Variants in ZNF385D observed in about 807,000 individuals in gnomAD.
ZNF385D encodes the protein zinc finger protein 659.
Under a neutral mutation model 35.8 loss-of-function variants are expected in ZNF385D, and 15 were observed. That is an observed-to-expected ratio of 0.42 (90% CI 0.28 to 0.64). The LOEUF (loss-of-function observed/expected upper bound fraction) is 0.64. Among genes scored for constraint, ZNF385D ranks in the 30% least tolerant of loss-of-function variants. ZNF385D has a pLI of 0.23. For missense variants in ZNF385D, 474 were observed against 494.6 expected (o/e 0.96, Z 0.39); for synonymous variants, 212 against 186.8 (o/e 1.13, Z -1.10).
At chr3:22,286,889 C>G (rs538077182) in intron 2 of ZNF385D, among the ~76,000 whole-genome samples, 2 of 152,044 alleles carry the variant, frequency 1.3e-5, no homozygotes, top group Admixed American at 6.6e-5. Flanking sequence ...TTGGTTAGAT[C>G]CATCTGCTGT....
chr3:21,559,576 C>G (rs950343245), intron 3 of ZNF385D, among the ~76,000 whole-genome samples: 2 of 152,230 alleles, frequency 1.3e-5, no homozygotes, highest in African/African-American at 4.8e-5. Context: ...AACCTTCCTC[C>G]CTGTCTGCCC....
chr3:21,499,593 G>A (rs1379345435), intron 4 of ZNF385D, among the ~76,000 whole-genome samples: 4 of 150,988 alleles, frequency 2.6e-5, no homozygotes, highest in African/African-American at 4.9e-5. Flanking sequence ...CAATTTACCT[G>A]TATAACAAAC....
chr3:21,842,878 T>C (rs866902816), intron 3 of ZNF385D, among the ~76,000 whole-genome samples: 2 of 152,086 alleles, frequency 1.3e-5, no homozygotes, highest in South Asian at 4.1e-4. Flanking sequence ...GTCTCTTCCA[T>C]TTATGTCAAA....
At chr3:21,977,151 G>C (rs1453326730) in intron 3 of ZNF385D, among the ~76,000 whole-genome samples, 1 of 152,154 alleles carries the variant, frequency 6.6e-6, no homozygotes, top group African/African-American at 2.4e-5. Context: ...ACTCTAATTA[G>C]AGGAAGATTG....
chr3:21,700,360 C>T (rs1261977183), intron 1 of ZNF385D, among the ~76,000 whole-genome samples: 2 of 152,172 alleles, frequency 1.3e-5, no homozygotes, highest in African/African-American at 4.8e-5. Context: ...TGCTAAGCAA[C>T]TTAAAAGGCA....
intron 3 of ZNF385D, among the ~76,000 whole-genome samples, chr3:22,109,032 G>T (rs1430649319): frequency 6.6e-6 from 1 of 151,864 alleles, no homozygotes; most frequent in Non-Finnish European, 1.5e-5. Context: ...ACAAAACCAT[G>T]TAGCAATAAT....
At chr3:21,624,757 A>G (rs999791617) in intron 2 of ZNF385D, among the ~76,000 whole-genome samples, 8 of 152,062 alleles carry the variant, frequency 5.3e-5, no homozygotes, top group African/African-American at 1.7e-4. Context: ...GTCAGTTGCA[A>G]TCTGAATCCT....
intron 3 of ZNF385D, among the ~76,000 whole-genome samples, chr3:21,530,660 GT>G (rs960729922): frequency 1.5e-4 from 23 of 152,002 alleles, no homozygotes; most frequent in South Asian, 2.1e-4. Flanking sequence ...GATCAAACAA[GT>G]TTTTTTTCGT....
At position 22,244,460 on chromosome 3, in the gene ZNF385D, C is replaced by T. The variant is rs115842805; in HGVS notation, c.107-75425G>A. Among the ~76,000 whole-genome samples, 2 of 138,384 alleles carry T rather than the reference C, an allele frequency of 1.4e-5. 1 individual carries two copies. The highest frequency in any genetic ancestry group is 5.4e-5 in the African/African-American group (2 of 37,270). 90.8% of individuals were successfully genotyped at this position (138,384 alleles called of 152,430 possible). On this transcript the variant is annotated intron_variant, in intron 2 of 5. Transcript: ENST00000494108. ...ATTCTTATCATCAATACAAGAAATA[C>T]AATTTCTGTTTTATCTTTTGTTACT...
At chr3:21,825,827 C>G (rs143208261) in intron 3 of ZNF385D, among the ~76,000 whole-genome samples, 2,289 of 152,290 alleles carry the variant, frequency 0.015, 63 homozygotes, top group African/African-American at 0.051. Flanking sequence ...TTGTTAGGAA[C>G]CAGGCTAGGC....
intron 2 of ZNF385D, among the ~76,000 whole-genome samples, chr3:21,606,175 A>G (rs2064476389): frequency 6.6e-6 from 1 of 152,168 alleles, no homozygotes; most frequent in Non-Finnish European, 1.5e-5. Flanking sequence ...AGCTGCTTCT[A>G]AGATGATACT....
Position 22,274,494 on chromosome 3 carries a change from G to A in ZNF385D, c.106+97956C>T, listed in dbSNP as rs1024114923. On this transcript the variant is annotated intron_variant, in intron 2 of 5. Transcript: ENST00000494108. Reference sequence around the variant, plus strand: ...GGCTCTGAGGAAGCATGGATAATTCGACTTCCTATAAATCACTTATGATTT... The same window carrying A: ...GGCTCTGAGGAAGCATGGATAATTCAACTTCCTATAAATCACTTATGATTT... 8.6e-5 allele frequency among the ~76,000 whole-genome samples: 13 copies of A among 151,966 alleles called. No individual in the cohort carries two copies. The East Asian group carries it at 1.9e-3, about 23-fold the overall frequency.
intron 3 of ZNF385D, among the ~76,000 whole-genome samples, chr3:22,078,821 TA>T (rs1359547896): frequency 6.6e-6 from 1 of 152,186 alleles, no homozygotes; most frequent in East Asian, 1.9e-4. Context: ...ATAATATGGA[TA>T]TATAAGCAAA....
chr3:22,162,079 C>A (rs922822424), intron 3 of ZNF385D, among the ~76,000 whole-genome samples: 1 of 152,088 alleles, frequency 6.6e-6, no homozygotes, highest in African/African-American at 2.4e-5. Context: ...GATGCTAGTT[C>A]CCTTCTCATT....
intron 2 of ZNF385D, among the ~76,000 whole-genome samples, chr3:21,593,045 C>T (rs542551724): frequency 6.6e-5 from 10 of 152,312 alleles, no homozygotes; most frequent in African/African-American, 2.4e-4. Flanking sequence ...ATCCTCCACA[C>T]ATCTACAGCC....
chr3:21,808,374 T>G (rs922609732), intron 3 of ZNF385D, among the ~76,000 whole-genome samples: 1 of 152,210 alleles, frequency 6.6e-6, no homozygotes, highest in African/African-American at 2.4e-5. Context: ...CTAGAAGCTA[T>G]GACTCCAGAT....
At chr3:22,072,413 C>T (rs2125564886) in intron 3 of ZNF385D, among the ~76,000 whole-genome samples, 1 of 152,168 alleles carries the variant, frequency 6.6e-6, no homozygotes, top group East Asian at 1.9e-4. Flanking sequence ...ATCTGTCCTT[C>T]AAGCAGAATG....
intron 1 of ZNF385D, among the ~76,000 whole-genome samples, chr3:21,711,197 A>G (rs1486129254): frequency 6.6e-6 from 1 of 151,356 alleles, no homozygotes; most frequent in Non-Finnish European, 1.5e-5. Flanking sequence ...GCCCACCATC[A>G]CGCCCGGCTA....
chr3:21,686,766 G>A (rs1284592501), intron 1 of ZNF385D, among the ~76,000 whole-genome samples: 1 of 152,114 alleles, frequency 6.6e-6, no homozygotes, highest in Non-Finnish European at 1.5e-5. Flanking sequence ...TAGTTTTTAA[G>A]GAATATTATT....
Sources: gnomAD v4.1 joint callset for allele counts (sites outside exome capture counted in the v4.1 genomes callset) on GRCh38, gnomAD v4.1.1 for gene constraint, MANE v1.5 for transcripts, NCBI Gene and HGNC (gene_info 2026-07-23, HGNC 2026-07-21) for gene names.